The following ADAM12 variants were observed in gnomAD, a reference collection of about 807,000 sequenced individuals.
The protein encoded by ADAM12 is disintegrin and metalloproteinase domain-containing protein 12.
A neutral mutation model predicts 106.4 loss-of-function variants in ADAM12; 70 were observed. The ratio of observed to expected loss-of-function variants is 0.66; its 90% confidence interval spans 0.54 to 0.80. The LOEUF is 0.80. Among genes scored for constraint, ADAM12 ranks in the 30% least tolerant of loss-of-function variants. The probability of loss-of-function intolerance (pLI) is 0.00; values close to 1 mark genes in which losing one functional copy is unlikely to be tolerated. For synonymous variants in ADAM12, 420 were observed against 433.5 expected (o/e 0.97, Z 0.39); for missense variants, 1,010 against 1,171.9 (o/e 0.86, Z 2.02).
intron 4 of ADAM12, among the ~76,000 whole-genome samples, chr10:126,137,372 C>T (rs557346836): frequency 9.9e-5 from 15 of 152,178 alleles, no homozygotes; most frequent in African/African-American, 3.1e-4. Flanking sequence ...TTAAGTTGTC[C>T]TTTAAAATTA....
At chr10:126,124,895 CAA>C (rs376810493) in intron 5 of ADAM12, among the ~76,000 whole-genome samples, 6 of 85,984 alleles carry the variant, frequency 7.0e-5, no homozygotes, top group Admixed American at 1.4e-4. Context: ...GACACCGTCT[CAA>C]AAAAAAAAAA....
At chr10:126,214,945 C>T (rs2133842715) in intron 3 of ADAM12, among the ~76,000 whole-genome samples, 1 of 152,328 alleles carries the variant, frequency 6.6e-6, no homozygotes, top group East Asian at 1.9e-4. Context: ...TGGTGACTCT[C>T]ATCCACCTGG....
intron 3 of ADAM12, among the ~76,000 whole-genome samples, chr10:126,258,999 T>C (rs576050676): frequency 5.8e-4 from 89 of 152,368 alleles, no homozygotes; most frequent in Non-Finnish European, 1.1e-3. Context: ...GCTTGTTATA[T>C]ACCAGGAGGT....
intron 10 of ADAM12, among the ~76,000 whole-genome samples, chr10:126,096,227 G>A (rs1955556095): frequency 6.6e-6 from 1 of 152,256 alleles, no homozygotes; most frequent in South Asian, 2.1e-4. Context: ...AAAATTCAAG[G>A]AATTCACCCT....
At chr10:126,285,678 G>A (rs527522599) in intron 2 of ADAM12, among the ~76,000 whole-genome samples, 41 of 152,272 alleles carry the variant, frequency 2.7e-4, no homozygotes, top group African/African-American at 7.5e-4. Context: ...AAGCTTTGTC[G>A]TTGGGCAAAA....
chr10:126,370,164 T>C (rs1456493478), intron 1 of ADAM12, among the ~76,000 whole-genome samples: 2 of 152,166 alleles, frequency 1.3e-5, no homozygotes, highest in South Asian at 2.1e-4. Flanking sequence ...CTGGCTAACA[T>C]CTTGACTGAA....
In ADAM12 at chr10:126,086,680, A is replaced by AATATATATATAT. The variant is rs1210379675; in HGVS notation, c.1145+7293_1145+7304dup. Among the ~76,000 whole-genome samples the AATATATATATAT allele has an allele frequency of 8.4e-3, 203 of 24,042 alleles. 3 individuals carry two copies. Among genetic ancestry groups the AATATATATATAT allele is most frequent in the South Asian group, 9.6e-3 (3 of 314 alleles). The allele number at this position is 24,042 out of a possible 152,430, so 15.8% of individuals were successfully genotyped here. A position where few individuals can be genotyped will look rare whatever the true frequency, so the allele number is the denominator to read the frequency against. ...AAAAAAAAAAAAAAAAAAAAAAAAA[A>AATATATATATAT]ATATATATATATATATATATATATA... On this transcript the variant is annotated intron_variant, in intron 11 of 22. Transcript: ENST00000448723.
intron 21 of ADAM12, among the ~76,000 whole-genome samples, chr10:126,023,334 C>T (rs763924945): frequency 7.9e-5 from 12 of 152,014 alleles, no homozygotes; most frequent in Non-Finnish European, 1.3e-4. Flanking sequence ...TGCCCTACCC[C>T]TTCTCTGATG....
chr10:126,178,408 CT>C (rs10549268), intron 3 of ADAM12, among the ~76,000 whole-genome samples: 18,434 of 103,414 alleles, frequency 0.18, 666 homozygotes, highest in Non-Finnish European at 0.24. Flanking sequence ...TGGAGGACAT[CT>C]TTTTTTTTTT....
At chr10:126,129,570 T>C (rs1447726608) in intron 5 of ADAM12, among the ~76,000 whole-genome samples, 2 of 152,094 alleles carry the variant, frequency 1.3e-5, no homozygotes, top group Non-Finnish European at 2.9e-5. Flanking sequence ...CTGGCAGGAA[T>C]GAGAGCACCA....
chr10:126,306,504 G>GT (rs1263983430), intron 2 of ADAM12, among the ~76,000 whole-genome samples: 1 of 151,864 alleles, frequency 6.6e-6, no homozygotes, highest in Non-Finnish European at 1.5e-5. Flanking sequence ...CTTCTATCTG[G>GT]CATCGTTTTC....
At chr10:126,339,918 G>A (rs531242070) in intron 1 of ADAM12, among the ~76,000 whole-genome samples, 2 of 132,718 alleles carry the variant, frequency 1.5e-5, no homozygotes, top group Non-Finnish European at 3.1e-5. Flanking sequence ...GCAGTGGCCT[G>A]ATCTCAGCTC....
chr10:126,127,183 G>A (rs1157075985), intron 5 of ADAM12, among the ~76,000 whole-genome samples: 2 of 152,184 alleles, frequency 1.3e-5, no homozygotes, highest in East Asian at 3.9e-4. Flanking sequence ...ATGGGAGGAA[G>A]CAGAAGGGAG....
chr10:126,286,169 C>A (rs1235056614), intron 2 of ADAM12, among the ~76,000 whole-genome samples: 1 of 152,104 alleles, frequency 6.6e-6, no homozygotes, highest in East Asian at 1.9e-4. Context: ...TGACACACAG[C>A]ATCAGGTCCT....
At chr10:126,270,628 C>T (rs532237265) in intron 3 of ADAM12, among the ~76,000 whole-genome samples, 1 of 152,294 alleles carries the variant, frequency 6.6e-6, no homozygotes, top group African/African-American at 2.4e-5. Flanking sequence ...ACCCTCAGGC[C>T]CTATGGCTGG....
At chr10:126,131,538 T>C (rs1298110) in intron 5 of ADAM12, among the ~76,000 whole-genome samples, 89,972 of 151,916 alleles carry the variant, frequency 0.59, 26,749 homozygotes, top group Admixed American at 0.65. Context: ...TGATCAGGCT[T>C]AGATGAGATC....
chr10:126,222,251 G>T (rs1958108807), intron 3 of ADAM12, among the ~76,000 whole-genome samples: 1 of 151,970 alleles, frequency 6.6e-6, no homozygotes, highest in South Asian at 2.1e-4. Flanking sequence ...CGCTGGGTTA[G>T]AACATTTATT....
At chr10:126,361,826 T>A (rs894310594) in intron 1 of ADAM12, among the ~76,000 whole-genome samples, 3 of 152,108 alleles carry the variant, frequency 2.0e-5, no homozygotes, top group Admixed American at 6.5e-5. Context: ...AATCTGAAAC[T>A]AGATTGCTAG....
chr10:126,388,447 G>A lies in ADAM12; in HGVS notation c.-302C>T, dbSNP rs1856762334. 1 of 239,656 alleles carries A rather than the reference G, an allele frequency of 4.2e-6. No individual in the cohort carries two copies. The highest frequency in any genetic ancestry group is 8.0e-6 in the Non-Finnish European group (1 of 125,476). 14.8% of individuals were successfully genotyped at this position (239,656 alleles called of 1,614,324 possible). The stretch of plus-strand genomic sequence containing the variant: ...CGAGTTGGCCCGGGGACTAGGAAGA[G>A]CGTTAGTGAGAGAAGGCAGGCCTGT... On this transcript the variant is annotated 5_prime_UTR_variant, in exon 1 of 23. Transcript: ENST00000448723. This position sits in a 1 kb window ranked among gnomAD's most constrained non-coding sequence, Gnocchi z 4.4.
Sources: gnomAD v4.1 joint callset for allele counts (sites outside exome capture counted in the v4.1 genomes callset) on GRCh38, gnomAD v4.1.1 for gene constraint, Gnocchi (gnomAD v3.1) non-coding constraint, MANE v1.5 for transcripts, NCBI Gene and HGNC (gene_info 2026-07-23, HGNC 2026-07-21) for gene names.